ABCG1: variants seen among roughly 807,000 people sequenced by gnomAD.
The protein encoded by ABCG1 is ATP binding cassette subfamily G member 1, also known as ATP-binding cassette sub-family G member 1.
A neutral mutation model predicts 69.2 loss-of-function variants in ABCG1; 29 were observed. That is an observed-to-expected ratio of 0.42 (90% CI 0.31 to 0.57). The LOEUF (loss-of-function observed/expected upper bound fraction) is 0.57. ABCG1 is among the 20% of genes least tolerant of loss of function. The probability of loss-of-function intolerance (pLI) is 0.15; values close to 1 mark genes in which losing one functional copy is unlikely to be tolerated. For missense variants in ABCG1, 718 were observed against 898.1 expected, an observed-to-expected ratio of 0.80 and a Z score of 2.56; for synonymous variants, 370 against 374.8, an observed-to-expected ratio of 0.99 and a Z score of 0.15.
chr21:42,219,167 G>T lies in ABCG1; in HGVS notation c.-96G>T. The T allele has an allele frequency of 8.9e-7, 1 of 1,129,416 alleles. No individual in the cohort carries two copies. Among genetic ancestry groups the T allele is most frequent in the Non-Finnish European group, 1.1e-6 (1 of 905,588 alleles). 70.0% of individuals were successfully genotyped at this position (1,129,416 alleles called of 1,614,324 possible). A position where few individuals can be genotyped will look rare whatever the true frequency, so the allele number is the denominator to read the frequency against. ...AGCCCAAGCGCAGCCCGCACCCCGC[G>T]CAGCGGCTGAGCCGGGAGCCAGCGC... On this transcript the variant is annotated 5_prime_UTR_variant, in exon 1 of 15. Coordinates refer to ENST00000398449, the MANE Select transcript of ABCG1 (RefSeq NM_016818.3). The surrounding 1 kb of genome is among the most constrained non-coding windows in gnomAD (Gnocchi z 5.3).
intron 2 of ABCG1, among the ~76,000 whole-genome samples, chr21:42,264,131 G>T (rs1240596704): frequency 6.6e-6 from 1 of 152,158 alleles, no homozygotes; most frequent in Non-Finnish European, 1.5e-5. Flanking sequence ...CTCATCTGGG[G>T]TGCCTGGTTT....
chr21:42,223,169 A>G (rs912457708), intron 1 of ABCG1, among the ~76,000 whole-genome samples: 1 of 152,114 alleles, frequency 6.6e-6, no homozygotes, highest in Non-Finnish European at 1.5e-5. Context: ...TCCACGCTCC[A>G]GCCCCTGCGT....
At chr21:42,211,689 G>A (rs1279194262), upstream of ABCG1, among the ~76,000 whole-genome samples, 1 of 151,710 alleles carries the variant, frequency 6.6e-6, no homozygotes, top group African/African-American at 2.4e-5. Context: ...AGACCAGCCT[G>A]GCCAACATGG....
chr21:42,249,731 C>T (rs1052046028), intron 2 of ABCG1, among the ~76,000 whole-genome samples: 6 of 152,080 alleles, frequency 3.9e-5, no homozygotes, highest in African/African-American at 9.7e-5. Flanking sequence ...GAGGGCCAGG[C>T]GCAGTGGCTC....
chr21:42,246,105 TCTC>T (rs2068130971), intron 2 of ABCG1, among the ~76,000 whole-genome samples: 1 of 152,040 alleles, frequency 6.6e-6, no homozygotes, highest in African/African-American at 2.4e-5. Context: ...GGAGTTCCCT[TCTC>T]CACCCATCCA....
exon 2 of ABCG1, chr21:42,201,625 G>T: frequency 1.3e-6 from 2 of 1,579,070 alleles, no homozygotes; most frequent in Non-Finnish European, 8.6e-7. Flanking sequence ...ATTCAGCCCC[G>T]TGCTCAGCAG....
At chr21:42,242,079 A>G (rs977509066) in intron 2 of ABCG1, among the ~76,000 whole-genome samples, 3 of 152,184 alleles carry the variant, frequency 2.0e-5, no homozygotes, top group Non-Finnish European at 4.4e-5. Flanking sequence ...CCCTTTCTAA[A>G]GTATATGGGG....
chr21:42,216,701 C>T (rs908737003), upstream of ABCG1, among the ~76,000 whole-genome samples: 5 of 152,198 alleles, frequency 3.3e-5, no homozygotes, highest in Admixed American at 3.3e-4. Context: ...AGTCCTGAAA[C>T]CACTGCACTC....
chr21:42,219,118 G>GAGCCGGAGCCGGATCCC, upstream of ABCG1: 1 of 755,762 alleles, frequency 1.3e-6, no homozygotes, highest in Non-Finnish European at 1.7e-6. The surrounding 1 kb of genome is among the most constrained non-coding windows in gnomAD (Gnocchi z 5.3). Context: ...GCTGGAACCA[G>GAGCCGGAGCCGGATCCC]AGCCGGAGCC....
At chr21:42,244,089 G>A (rs2123613476) in intron 2 of ABCG1, among the ~76,000 whole-genome samples, 1 of 152,272 alleles carries the variant, frequency 6.6e-6, no homozygotes, top group African/African-American at 2.4e-5. Flanking sequence ...AAAGTGCTGG[G>A]ATTACAGGCG....
At chr21:42,216,973 C>G (rs1453530396), upstream of ABCG1, among the ~76,000 whole-genome samples, 1 of 152,162 alleles carries the variant, frequency 6.6e-6, no homozygotes, top group Non-Finnish European at 1.5e-5. Context: ...TTCACTTATC[C>G]TGCAACAGAA....
intron 2 of ABCG1, among the ~76,000 whole-genome samples, chr21:42,250,166 A>G (rs1204327101): frequency 1.3e-5 from 2 of 152,076 alleles, no homozygotes; most frequent in Admixed American, 6.6e-5. Context: ...TCTTGGGGAC[A>G]GGAGGAGAGA....
At chr21:42,227,135 T>C (rs897495539) in intron 2 of ABCG1, among the ~76,000 whole-genome samples, 4 of 152,204 alleles carry the variant, frequency 2.6e-5, no homozygotes, top group African/African-American at 9.7e-5. Context: ...GGTAACTGTA[T>C]GTCTGTGTTT....
At position 42,273,293 on chromosome 21, in the gene ABCG1, G is replaced by T. The variant is rs570438394; in HGVS notation, c.405-10G>T. 5 of 1,610,440 alleles carry T rather than the reference G, an allele frequency of 3.1e-6. No individual in the cohort carries two copies. The South Asian group carries it at 4.4e-5, about 14-fold the overall frequency. ...CCGGCTGACGGCTTCTCCTGTCCTT[G>T]GTTCTGCAGGGAGACGGGCATGAAG... On this transcript the variant is annotated splice_polypyrimidine_tract_variant and intron_variant, in intron 3 of 14. Coordinates refer to ENST00000398449, the MANE Select transcript of ABCG1 (RefSeq NM_016818.3). The surrounding 1 kb of genome is among the most constrained non-coding windows in gnomAD (Gnocchi z 5.3).
At chr21:42,290,003 A>T (rs371327756) in intron 10 of ABCG1, 47 bp from the exon 11 acceptor site, 7 of 1,612,874 alleles carry the variant, frequency 4.3e-6, no homozygotes, top group Non-Finnish European at 5.9e-6. Flanking sequence ...CTCTGAGCCG[A>T]GGACGGCTTT....
At chr21:42,234,170 G>A (rs1266675179) in intron 2 of ABCG1, among the ~76,000 whole-genome samples, 1 of 152,216 alleles carries the variant, frequency 6.6e-6, no homozygotes, top group Non-Finnish European at 1.5e-5. Context: ...CAGAAGGGAA[G>A]GAGGGTGGAG....
Position 42,291,153 on chromosome 21 carries a change from C to CTA in ABCG1, c.1456_1457dup (p.Tyr487ThrfsTer27). On this transcript the variant is annotated frameshift_variant, in exon 12 of 15. Transcript: ENST00000398449. LOFTEE classifies it high-confidence loss of function. The surrounding 1 kb of genome is among the most constrained non-coding windows in gnomAD (Gnocchi z 6.4). The stretch of plus-strand genomic sequence containing the variant: ...TGAACTACTGGTACAGCCTGAAGGC[C>CTA]TACTACCTGGCCAAGACCATGGCAG... 6.2e-7 allele frequency: 1 copy of CTA among 1,614,192 alleles called. No individual in the cohort carries two copies. Among genetic ancestry groups the CTA allele is most frequent in the Non-Finnish European group, 8.5e-7 (1 of 1,180,024 alleles).
intron 1 of ABCG1, among the ~76,000 whole-genome samples, chr21:42,224,781 C>A (rs986602481): frequency 6.6e-6 from 1 of 152,150 alleles, no homozygotes; most frequent in Non-Finnish European, 1.5e-5. Flanking sequence ...GATTTGCTCA[C>A]GGTTGCCAGG....
intron 2 of ABCG1, among the ~76,000 whole-genome samples, chr21:42,267,635 GTGGTCTGGGTTCTGTCTGGGTC>G (rs2068534119): frequency 8.0e-6 from 1 of 124,360 alleles, no homozygotes; most frequent in African/African-American, 3.2e-5. Context: ...CTGTCTGGGT[GTGGTCTGGGTTCTGTCTGGGTC>G]TGGTCTGAGT....
Sources: allele counts gnomAD v4.1 joint callset (sites outside exome capture counted in the v4.1 genomes callset), GRCh38; gene constraint gnomAD v4.1.1; non-coding constraint Gnocchi (gnomAD v3.1); transcripts MANE v1.5; gene names NCBI Gene and HGNC (gene_info 2026-07-23, HGNC 2026-07-21).